PAX9: variants seen among roughly 807,000 people sequenced by gnomAD.
PAX9 encodes paired box 9.
In PAX9, 6 loss-of-function variants were observed where a neutral mutation model predicts 29.1. The ratio of observed to expected loss-of-function variants is 0.21; its 90% confidence interval spans 0.11 to 0.41. The LOEUF is 0.41. Ranked by LOEUF, PAX9 falls within the 10% of genes least tolerant of loss-of-function variation. PAX9 has a pLI of 1.00. For synonymous variants in PAX9, 217 were observed against 211.7 expected (o/e 1.03, Z -0.22); for missense variants, 443 against 479.1 (o/e 0.92, Z 0.70).
Position 36,679,032 on chromosome 14 carries a change from T to G in PAX9, c.*2580T>G, listed in dbSNP as rs1324061537. 8 of 985,318 alleles carry G rather than the reference T, an allele frequency of 8.1e-6. No individual in the cohort carries two copies. Among genetic ancestry groups the G allele is most frequent in the African/African-American group, 1.7e-5 (1 of 57,234 alleles). The allele number at this position is 985,318 out of a possible 1,614,324, so 61.0% of individuals were successfully genotyped here. On this transcript the variant is annotated 3_prime_UTR_variant, in exon 4 of 4. Transcript: ENST00000361487. The stretch of plus-strand genomic sequence containing the variant: ...GTTGCTTTTAAACTGGCAAATGCAC[T>G]CTTCAGAAATCCTTTTCTATCTGAT...
At chr14:36,665,309 A>AT (rs896015323) in intron 2 of PAX9, among the ~76,000 whole-genome samples, 2 of 152,118 alleles carry the variant, frequency 1.3e-5, no homozygotes, top group Non-Finnish European at 2.9e-5. Flanking sequence ...TATTATTGTG[A>AT]TTTTGGATGC....
At chr14:36,676,111 G>T in intron 3 of PAX9, 87 bp from the exon 4 acceptor site, 3 of 1,444,170 alleles carry the variant, frequency 2.1e-6, no homozygotes, top group Admixed American at 1.7e-5. Context: ...GGCTTACTCA[G>T]ACTTAAGTTC....
Position 36,661,948 on chromosome 14 carries a change from C to T in PAX9, c.-142C>T. ...GACTTCCTTTTACTTCTTCCTTTTGCCCTCTCGCCTCCTCCTCCTGGGAAG... is the reference window on the plus strand; with the variant it reads ...GACTTCCTTTTACTTCTTCCTTTTGTCCTCTCGCCTCCTCCTCCTGGGAAG... On this transcript the variant is annotated 5_prime_UTR_variant, in exon 1 of 4. Transcript: ENST00000361487. 2 of 954,298 alleles carry T rather than the reference C, an allele frequency of 2.1e-6. No individual in the cohort carries two copies. Among genetic ancestry groups the T allele is most frequent in the Non-Finnish European group, 3.3e-6 (2 of 605,602 alleles). 59.1% of individuals were successfully genotyped at this position (954,298 alleles called of 1,614,324 possible).
upstream of PAX9, among the ~76,000 whole-genome samples, chr14:36,660,292 A>G (rs1344824100): frequency 2.0e-5 from 3 of 152,202 alleles, no homozygotes; most frequent in Admixed American, 2.0e-4. Context: ...ACCAGGCTGA[A>G]ATTGCTATCA....
At chr14:36,664,591 G>A (rs899912374) in intron 2 of PAX9, among the ~76,000 whole-genome samples, 4 of 138,356 alleles carry the variant, frequency 2.9e-5, no homozygotes, top group African/African-American at 1.1e-4. Flanking sequence ...TTTTTAAGGC[G>A]TTAACTTTTT....
intron 2 of PAX9, 51 bp downstream of exon 2, chr14:36,663,574 T>C (rs1881376286): frequency 6.2e-7 from 1 of 1,606,760 alleles, no homozygotes; most frequent in Non-Finnish European, 8.5e-7. Context: ...GCCCCCGCAC[T>C]CTCGCGGAGG....
chr14:36,666,318 G>T, intron 2 of PAX9, 144 bp from the exon 3 acceptor site: 2 of 1,066,988 alleles, frequency 1.9e-6, no homozygotes, highest in African/African-American at 3.2e-5. Context: ...TCGCGGCTGG[G>T]CCCAGCGCCC....
chr14:36,671,307 C>T (rs949050849), intron 3 of PAX9, among the ~76,000 whole-genome samples: 2 of 152,202 alleles, frequency 1.3e-5, no homozygotes, highest in African/African-American at 4.8e-5. Flanking sequence ...AACTGCCAGA[C>T]ATTTGCCATA....
Position 36,666,491 on chromosome 14 carries a change from A to G in PAX9, c.661A>G (p.Lys221Glu). ...CGACAGCTCCCCCTACCACAGCCCCAAGGTGGAGGAGTGGAGCAGCCTGGG... is the reference window on the plus strand; with the variant it reads ...CGACAGCTCCCCCTACCACAGCCCCGAGGTGGAGGAGTGGAGCAGCCTGGG... Reference protein sequence around the residue: ...VSDSSPYHSPKVEEWSSLGRN... With the variant: ...VSDSSPYHSPEVEEWSSLGRN... Residue 221 changes from lysine (K) to glutamate (E), a missense_variant, in exon 3 of 4, where the codon AAG becomes GAG. This residue lies in a region of PAX9 where 336 missense variants were observed against 317.2 expected (regional missense o/e 1.06). Coordinates refer to ENST00000361487, the MANE Select transcript of PAX9 (RefSeq NM_001372076.1). 1.2e-6 allele frequency: 2 copies of G among 1,610,656 alleles called. No homozygotes were observed. The highest frequency in any genetic ancestry group is 1.7e-6 in the Non-Finnish European group (2 of 1,178,830).
At position 36,676,526 on chromosome 14, in the gene PAX9, C is replaced by T; in HGVS notation, c.*74C>T. 6.5e-7 allele frequency: 1 copy of T among 1,546,618 alleles called. No individual in the cohort carries two copies. The stretch of plus-strand genomic sequence containing the variant: ...ACCTCCTCCCCCAATTCCCAGGTCT[C>T]ACATCCCACCCCTCCTGCCCTCCAA... On this transcript the variant is annotated 3_prime_UTR_variant, in exon 4 of 4. Coordinates refer to ENST00000361487, the MANE Select transcript of PAX9 (RefSeq NM_001372076.1).
intron 3 of PAX9, among the ~76,000 whole-genome samples, chr14:36,667,054 G>A (rs1280341349): frequency 3.3e-5 from 5 of 152,134 alleles, no homozygotes; most frequent in Non-Finnish European, 7.4e-5. Context: ...CCCGGGTCTC[G>A]GCCCCACGGT....
At position 36,666,607 on chromosome 14, in the gene PAX9, G is replaced by A. The variant is rs1173446891; in HGVS notation, c.771+6G>A. The A allele has an allele frequency of 2.6e-6, 4 of 1,561,892 alleles. No individual in the cohort carries two copies. The highest frequency in any genetic ancestry group is 3.5e-6 in the Non-Finnish European group (4 of 1,152,776). Reference sequence around the variant, plus strand: ...AGGAAGCCAAGTACGGTCAGGTGAGGAGGCGAGGGTCAGGCCAGGTGGGCC... The same window carrying A: ...AGGAAGCCAAGTACGGTCAGGTGAGAAGGCGAGGGTCAGGCCAGGTGGGCC... On this transcript the variant is annotated splice_donor_region_variant and intron_variant, in intron 3 of 3. Coordinates refer to ENST00000361487, the MANE Select transcript of PAX9 (RefSeq NM_001372076.1).
At chr14:36,663,724 A>G (rs1473764188) in intron 2 of PAX9, among the ~76,000 whole-genome samples, 1 of 152,128 alleles carries the variant, frequency 6.6e-6, no homozygotes, top group African/African-American at 2.4e-5. Context: ...TGCCACACAC[A>G]GTCTTCTGCC....
chr14:36,666,686 A>T (rs1448912395), intron 3 of PAX9, 85 bp downstream of exon 3: 3 of 1,497,608 alleles, frequency 2.0e-6, no homozygotes, highest in Non-Finnish European at 2.7e-6. Flanking sequence ...TCCCTTTCTG[A>T]GCTTCCCGCG....
At chr14:36,668,912 ATAAG>A (rs1337247073) in intron 3 of PAX9, among the ~76,000 whole-genome samples, 1 of 152,150 alleles carries the variant, frequency 6.6e-6, no homozygotes, top group Non-Finnish European at 1.5e-5. Context: ...ATTTAAAGAA[ATAAG>A]TAACCAAATA....
upstream of PAX9, among the ~76,000 whole-genome samples, chr14:36,658,212 C>A (rs1258279670): frequency 6.6e-6 from 1 of 152,188 alleles, no homozygotes; most frequent in East Asian, 1.9e-4. Flanking sequence ...AATGCCCCAA[C>A]TGACCCTGAA....
intron 3 of PAX9, among the ~76,000 whole-genome samples, chr14:36,672,278 A>G (rs895355217): frequency 1.3e-5 from 2 of 152,240 alleles, no homozygotes; most frequent in African/African-American, 2.4e-5. Context: ...CACTATATTT[A>G]TAGTGTAGAT....
intron 3 of PAX9, among the ~76,000 whole-genome samples, chr14:36,675,166 A>T (rs1174744504): frequency 1.3e-5 from 2 of 152,102 alleles, no homozygotes; most frequent in Non-Finnish European, 2.9e-5. Context: ...CATTCATGTA[A>T]CTATCAGGAC....
Position 36,676,612 on chromosome 14 carries a change from T to A in PAX9, c.*160T>A, listed in dbSNP as rs1881903855. The A allele has an allele frequency of 1.2e-6, 1 of 800,042 alleles. No individual in the cohort carries two copies. The highest frequency in any genetic ancestry group is 2.0e-6 in the Non-Finnish European group (1 of 491,050). 49.6% of individuals were successfully genotyped at this position (800,042 alleles called of 1,614,324 possible). On this transcript the variant is annotated 3_prime_UTR_variant, in exon 4 of 4. Transcript: ENST00000361487. ...ATCCTTTGTGCTAATGACACTTACA[T>A]ATTTCTTGCCATAACTTTTCTCTTG...
Sources: gnomAD v4.1 joint callset for allele counts (sites outside exome capture counted in the v4.1 genomes callset) on GRCh38, gnomAD v4.1.1 for gene constraint, gnomAD v4.1.1 regional missense constraint, MANE v1.5 for transcripts, NCBI Gene and HGNC (gene_info 2026-07-23, HGNC 2026-07-21) for gene names.